Variants in IQUB observed in about 807,000 individuals in gnomAD.
IQUB encodes IQ motif and ubiquitin domain containing.
Under a neutral mutation model 86.4 loss-of-function variants are expected in IQUB, and 86 were observed. The ratio of observed to expected loss-of-function variants is 1.00; its 90% confidence interval spans 0.84 to 1.19. The LOEUF is 1.19. Ranked by LOEUF, IQUB falls within the 50% of genes most tolerant of loss-of-function variation. The pLI is 0.00. For missense variants in IQUB, 946 were observed against 916.9 expected (o/e 1.03, Z -0.41); for synonymous variants, 289 against 304.5 (o/e 0.95, Z 0.53).
intron 1 of IQUB, among the ~76,000 whole-genome samples, chr7:123,519,794 T>C (rs1333608111): frequency 6.6e-6 from 1 of 152,182 alleles, no homozygotes; most frequent in Non-Finnish European, 1.5e-5. Flanking sequence ...AAGAAAAGTT[T>C]TGGAATATTC....
intron 6 of IQUB, among the ~76,000 whole-genome samples, chr7:123,500,209 A>G (rs1795880965): frequency 6.6e-6 from 1 of 152,178 alleles, no homozygotes; most frequent in South Asian, 2.1e-4. Flanking sequence ...CTTTCTTAAT[A>G]AACTTGCTTT....
chr7:123,461,411 G>C lies in IQUB; in HGVS notation c.1953C>G (p.Leu651=). ...FLKYKCLLQQ[L]YYTEADYEDD... ...CTTCATAATCAGCTTCTGTATAGTA[G>C]AGCTGTTGAAGTAAACATTTGTACT... The change falls in exon 11 of 13, where the codon CTC becomes CTG. Residue 651 remains leucine (L), a synonymous_variant. Coordinates refer to ENST00000324698, the MANE Select transcript of IQUB (RefSeq NM_178827.5). 1 of 1,611,870 alleles carries C rather than the reference G, an allele frequency of 6.2e-7. No homozygotes were observed. The highest frequency in any genetic ancestry group is 8.5e-7 in the Non-Finnish European group (1 of 1,178,498).
intron 1 of IQUB, among the ~76,000 whole-genome samples, chr7:123,515,478 C>T (rs1796598366): frequency 6.6e-6 from 1 of 152,158 alleles, no homozygotes; most frequent in South Asian, 2.1e-4. Context: ...CCAAAGAATA[C>T]ATATAGAAGG....
At chr7:123,454,120 T>C (rs1440476877) in intron 12 of IQUB, among the ~76,000 whole-genome samples, 3 of 152,098 alleles carry the variant, frequency 2.0e-5, no homozygotes, top group African/African-American at 7.2e-5. Flanking sequence ...AAATTTCCTC[T>C]TAACAGAAAA....
chr7:123,461,555 A>T lies in IQUB; in HGVS notation c.1809T>A (p.Ser603Arg), dbSNP rs746280895. Residue 603 changes from serine to arginine, a missense_variant, in exon 11 of 13, where the codon AGT becomes AGA. Transcript: ENST00000324698. ...CTGTAGAAGGCAAATAAAGCTGGCA[A>T]CTGTGGCAAAAGTAAATCTTCTTAT... ...KFYKKIYFCH[S>R]CQLYLPSTEF... 5 of 1,611,778 alleles carry T rather than the reference A, an allele frequency of 3.1e-6. No individual in the cohort carries two copies. In the Admixed American group the frequency reaches 8.4e-5, roughly 27 times the overall value.
chr7:123,496,086 C>A (rs2117165454), intron 7 of IQUB, among the ~76,000 whole-genome samples: 1 of 152,128 alleles, frequency 6.6e-6, no homozygotes, highest in South Asian at 2.1e-4. Flanking sequence ...CAAAGGTGGG[C>A]AATGGAGAAA....
At chr7:123,518,286 A>ATCTT (rs1796740517) in intron 1 of IQUB, among the ~76,000 whole-genome samples, 1 of 152,112 alleles carries the variant, frequency 6.6e-6, no homozygotes, top group African/African-American at 2.4e-5. Flanking sequence ...TTAGCTGGTT[A>ATCTT]TCTTAATTTC....
At chr7:123,454,437 G>A (rs1244300575) in intron 12 of IQUB, among the ~76,000 whole-genome samples, 2 of 152,102 alleles carry the variant, frequency 1.3e-5, no homozygotes, top group South Asian at 4.1e-4. Context: ...CATTTAATAT[G>A]AAATTCCTGC....
At chr7:123,513,069 C>A (rs1420811093) in intron 1 of IQUB, among the ~76,000 whole-genome samples, 1 of 152,042 alleles carries the variant, frequency 6.6e-6, no homozygotes, top group Non-Finnish European at 1.5e-5. Flanking sequence ...GGGAAGGTAG[C>A]CCCCAGACCA....
At chr7:123,527,962 G>T (rs7791541) in intron 1 of IQUB, among the ~76,000 whole-genome samples, 1,925 of 152,342 alleles carry the variant, frequency 0.013, 17 homozygotes, top group Admixed American at 0.021. Context: ...CTAGCAATTA[G>T]CGAGACTCCG....
chr7:123,479,763 A>C (rs1261121389), intron 8 of IQUB, 32 bp downstream of exon 8: 1 of 1,496,766 alleles, frequency 6.7e-7, no homozygotes. Context: ...CTCAGAATAC[A>C]TTCATATTTA....
At chr7:123,500,181 CA>C (rs1462861843) in intron 6 of IQUB, among the ~76,000 whole-genome samples, 1 of 152,142 alleles carries the variant, frequency 6.6e-6, no homozygotes, top group Non-Finnish European at 1.5e-5. Context: ...GTGGAGTAGC[CA>C]TTCTTTTGTT....
intron 9 of IQUB, among the ~76,000 whole-genome samples, chr7:123,467,798 AT>A (rs1416238693): frequency 7.9e-5 from 12 of 152,154 alleles, no homozygotes; most frequent in African/African-American, 2.7e-4. Flanking sequence ...AATGGCCCCA[AT>A]TACTACTTGG....
At chr7:123,472,456 G>A (rs1794569417) in intron 8 of IQUB, among the ~76,000 whole-genome samples, 1 of 152,090 alleles carries the variant, frequency 6.6e-6, no homozygotes, top group South Asian at 2.1e-4. Flanking sequence ...TGGGATGGAA[G>A]GGTAAGAAAA....
intron 3 of IQUB, among the ~76,000 whole-genome samples, chr7:123,508,687 G>C (rs1796294785): frequency 6.6e-6 from 1 of 152,142 alleles, no homozygotes; most frequent in Non-Finnish European, 1.5e-5. Context: ...ATCCAGTTTT[G>C]AACTTCACCT....
Position 123,502,616 on chromosome 7 carries a change from T to C in IQUB, c.1004A>G (p.His335Arg), listed in dbSNP as rs1484865729. Residue 335 changes from histidine (H) to arginine (R), a missense_variant, in exon 6 of 13, where the codon CAT becomes CGT. Coordinates refer to ENST00000324698, the MANE Select transcript of IQUB (RefSeq NM_178827.5). ...PGKYFSAAEY[H>R]AQRLKAVIVI... ...TCTCACCGCCTTTAGTCTTTGAGCA[T>C]GGTATTCTGCTGCTGAAAAATACTT... 1.9e-6 allele frequency: 3 copies of C among 1,611,840 alleles called. No homozygotes were observed. The highest frequency in any genetic ancestry group is 1.1e-5 in the South Asian group (1 of 90,324).
intron 1 of IQUB, among the ~76,000 whole-genome samples, chr7:123,523,293 G>A (rs960631169): frequency 1.5e-5 from 2 of 134,916 alleles, no homozygotes; most frequent in African/African-American, 5.4e-5. Flanking sequence ...CTTCCACAAT[G>A]GTCAAACTAG....
chr7:123,460,427 A>G (rs1218631480), intron 11 of IQUB, among the ~76,000 whole-genome samples: 5 of 151,938 alleles, frequency 3.3e-5, no homozygotes, highest in Non-Finnish European at 5.9e-5. Context: ...TAATCTCTAT[A>G]AAGTTTTCTA....
chr7:123,521,217 C>G (rs1796886386), intron 1 of IQUB, among the ~76,000 whole-genome samples: 1 of 152,152 alleles, frequency 6.6e-6, no homozygotes, highest in Non-Finnish European at 1.5e-5. Context: ...CCTTACCCCT[C>G]CATCTTCCTC....
Sources: allele counts gnomAD v4.1 joint callset (sites outside exome capture counted in the v4.1 genomes callset), GRCh38; gene constraint gnomAD v4.1.1; transcripts MANE v1.5; gene names NCBI Gene and HGNC (gene_info 2026-07-23, HGNC 2026-07-21).